ADARB2: variants seen among roughly 807,000 people sequenced by gnomAD.
ADARB2 encodes the protein adenosine deaminase RNA specific B2 (inactive).
A neutral mutation model predicts 62.2 loss-of-function variants in ADARB2; 25 were observed. That is an observed-to-expected ratio of 0.40 (90% CI 0.29 to 0.56). The LOEUF is 0.56. ADARB2 is among the 20% of genes least tolerant of loss of function. The pLI is 0.43. For synonymous variants in ADARB2, 572 were observed against 500.8 expected, an observed-to-expected ratio of 1.14 and a Z score of -1.90; for missense variants, 1,071 against 1,077.4, an observed-to-expected ratio of 0.99 and a Z score of 0.08.
intron 1 of ADARB2, among the ~76,000 whole-genome samples, chr10:1,675,705 T>C (rs1834459354): frequency 6.6e-6 from 1 of 151,956 alleles, no homozygotes; most frequent in African/African-American, 2.4e-5. Context: ...GAGGTTTGGG[T>C]TCAGGGATGC....
intron 1 of ADARB2, among the ~76,000 whole-genome samples, chr10:1,403,242 C>G (rs1832680338): frequency 6.6e-6 from 1 of 152,244 alleles, no homozygotes; most frequent in Admixed American, 6.5e-5. Flanking sequence ...CTAACACTTG[C>G]AACCAAAGAG....
At position 1,542,184 on chromosome 10, in the gene ADARB2, C is replaced by T. The variant is rs1336637888; in HGVS notation, c.101-163024G>A. On this transcript the variant is annotated intron_variant, in intron 1 of 9. Coordinates refer to ENST00000381312, the MANE Select transcript of ADARB2 (RefSeq NM_018702.4). The stretch of plus-strand genomic sequence containing the variant: ...CGTAGTTCAGACCCTGGATCACAGC[C>T]GCCCAGACCACACTCAGATATAGTT... 8.1e-5 allele frequency among the ~76,000 whole-genome samples: 2 copies of T among 24,666 alleles called. 1 individual carries two copies. Among genetic ancestry groups the T allele is most frequent in the Non-Finnish European group, 2.1e-4 (2 of 9,696 alleles). 16.2% of individuals were successfully genotyped at this position (24,666 alleles called of 152,430 possible).
At chr10:1,603,100 A>AAC (rs1246623107) in intron 1 of ADARB2, among the ~76,000 whole-genome samples, 1 of 149,748 alleles carries the variant, frequency 6.7e-6, no homozygotes, top group Non-Finnish European at 1.5e-5. Flanking sequence ...TACACACATC[A>AAC]ACACACACAC....
At chr10:1,663,815 G>A (rs574297441) in intron 1 of ADARB2, among the ~76,000 whole-genome samples, 5 of 152,146 alleles carry the variant, frequency 3.3e-5, no homozygotes, top group East Asian at 3.9e-4. Flanking sequence ...ACAGGGTTTC[G>A]CCATCTTGAC....
At position 1,417,447 on chromosome 10, in the gene ADARB2, G is replaced by A. The variant is rs553481870; in HGVS notation, c.101-38287C>T. On this transcript the variant is annotated intron_variant, in intron 1 of 9. Transcript: ENST00000381312. ...TCTAAGGCACTCTGCTAATTGCCCTGCATTAATTATCTTACTGACTCAAAA... is the reference window on the plus strand; with the variant it reads ...TCTAAGGCACTCTGCTAATTGCCCTACATTAATTATCTTACTGACTCAAAA... 2.6e-5 allele frequency among the ~76,000 whole-genome samples: 4 copies of A among 152,290 alleles called. No homozygotes were observed. The East Asian group carries it at 7.7e-4, about 29-fold the overall frequency.
Position 1,609,370 on chromosome 10 carries a change from C to A in ADARB2, c.100+127681G>T, listed in dbSNP as rs937208708. The stretch of plus-strand genomic sequence containing the variant: ...TGTCTCCCTGATTAACTCTTTGCTG[C>A]CCTGGTGCCAGGAGGCTGCGTGCCT... On this transcript the variant is annotated intron_variant, in intron 1 of 9. Coordinates refer to ENST00000381312, the MANE Select transcript of ADARB2 (RefSeq NM_018702.4). Among the ~76,000 whole-genome samples, 75 of 152,234 alleles carry A rather than the reference C, an allele frequency of 4.9e-4. 2 individuals carry two copies. The highest frequency in any genetic ancestry group is 4.8e-3 in the Admixed American group (74 of 15,288).
intron 2 of ADARB2, among the ~76,000 whole-genome samples, chr10:1,370,558 A>G (rs1832360413): frequency 1.3e-5 from 2 of 152,238 alleles, no homozygotes; most frequent in Non-Finnish European, 2.9e-5. Context: ...GAAACCCTAA[A>G]GACTCCTCTA....
chr10:1,712,661 G>A (rs1834963871), intron 1 of ADARB2, among the ~76,000 whole-genome samples: 1 of 6 alleles, frequency 0.17, no homozygotes, highest in African/African-American at 0.5. Flanking sequence ...GGGAAGGAGG[G>A]CACTGGGCGG....
At position 1,488,579 on chromosome 10, in the gene ADARB2, G is replaced by A. The variant is rs111550561; in HGVS notation, c.101-109419C>T. The stretch of plus-strand genomic sequence containing the variant: ...GTGCTGGATATAGGCCAGGCTGCAG[G>A]ATCAATGATCAATGATCAATGAGCC... On this transcript the variant is annotated intron_variant, in intron 1 of 9. Coordinates refer to ENST00000381312, the MANE Select transcript of ADARB2 (RefSeq NM_018702.4). 3.3e-3 allele frequency among the ~76,000 whole-genome samples: 490 copies of A among 150,654 alleles called. 3 individuals carry two copies. The highest frequency in any genetic ancestry group is 0.012 in the African/African-American group (470 of 40,018).
intron 1 of ADARB2, among the ~76,000 whole-genome samples, chr10:1,512,040 A>G (rs2131945758): frequency 6.6e-6 from 1 of 152,114 alleles, no homozygotes; most frequent in Non-Finnish European, 1.5e-5. Flanking sequence ...TCTACACTGG[A>G]TGTCAAGACA....
At chr10:1,598,384 C>T (rs1406423092) in intron 1 of ADARB2, among the ~76,000 whole-genome samples, 4 of 152,212 alleles carry the variant, frequency 2.6e-5, no homozygotes, top group Non-Finnish European at 5.9e-5. Context: ...CCAATATATG[C>T]ATGGAAGAAA....
At chr10:1,457,334 G>A (rs143002277) in intron 1 of ADARB2, among the ~76,000 whole-genome samples, 87 of 152,260 alleles carry the variant, frequency 5.7e-4, no homozygotes, top group African/African-American at 2.0e-3. Context: ...CTGATTCCAG[G>A]AGGGTTCCGA....
chr10:1,568,934 G>A (rs978427583), intron 1 of ADARB2, among the ~76,000 whole-genome samples: 8 of 152,112 alleles, frequency 5.3e-5, no homozygotes, highest in East Asian at 3.9e-4. Context: ...AATAAGTTAC[G>A]ATTTGTATGA....
chr10:1,642,997 GC>G, intron 1 of ADARB2, among the ~76,000 whole-genome samples: 1 of 152,338 alleles, frequency 6.6e-6, no homozygotes, highest in Non-Finnish European at 1.5e-5. Flanking sequence ...GTGTGCAAGC[GC>G]AGGGCCAAGA....
At chr10:1,330,132 T>C (rs948619204) in intron 3 of ADARB2, among the ~76,000 whole-genome samples, 3 of 152,054 alleles carry the variant, frequency 2.0e-5, no homozygotes, top group Non-Finnish European at 4.4e-5. Context: ...AGGGTGGTAA[T>C]AGAGACTTCT....
chr10:1,461,507 C>T (rs978004531), intron 1 of ADARB2, among the ~76,000 whole-genome samples: 29 of 121,862 alleles, frequency 2.4e-4, no homozygotes, highest in Non-Finnish European at 4.2e-4. Flanking sequence ...TTTCCCTGTG[C>T]ATATATATTT....
chr10:1,665,042 G>A (rs957549442), intron 1 of ADARB2, among the ~76,000 whole-genome samples: 1 of 152,158 alleles, frequency 6.6e-6, no homozygotes, highest in Admixed American at 6.5e-5. Flanking sequence ...GGGGCAAGGG[G>A]GAAGGAGCCC....
Position 1,737,318 on chromosome 10 carries a change from G to A in ADARB2, c.-168C>T, listed in dbSNP as rs1314826869. ...AGCGCGCTCCGTCTCTCTGTCTCTCGAATTGTTCTCTATGACTTGCTCCCA... is the reference window on the plus strand; with the variant it reads ...AGCGCGCTCCGTCTCTCTGTCTCTCAAATTGTTCTCTATGACTTGCTCCCA... On this transcript the variant is annotated 5_prime_UTR_variant, in exon 1 of 10. Coordinates refer to ENST00000381312, the MANE Select transcript of ADARB2 (RefSeq NM_018702.4). 3 of 649,880 alleles carry A rather than the reference G, an allele frequency of 4.6e-6. No individual in the cohort carries two copies. The highest frequency in any genetic ancestry group is 5.3e-6 in the Non-Finnish European group (2 of 380,006). The allele number at this position is 649,880 out of a possible 1,614,324, so 40.3% of individuals were successfully genotyped here.
intron 1 of ADARB2, among the ~76,000 whole-genome samples, chr10:1,530,253 G>A (rs1832213775): frequency 6.6e-6 from 1 of 152,190 alleles, no homozygotes; most frequent in Non-Finnish European, 1.5e-5. Flanking sequence ...GCTCAGTGAG[G>A]GTCTCCCTCC....
Sources: allele counts gnomAD v4.1 joint callset (sites outside exome capture counted in the v4.1 genomes callset), GRCh38; gene constraint gnomAD v4.1.1; transcripts MANE v1.5; gene names NCBI Gene and HGNC (gene_info 2026-07-23, HGNC 2026-07-21).